The following NBPF9 variants were observed in gnomAD, a reference collection of about 807,000 sequenced individuals.
The protein encoded by NBPF9 is NBPF member 9.
Under a neutral mutation model 97.8 loss-of-function variants are expected in NBPF9, and 91 were observed. The ratio of observed to expected loss-of-function variants is 0.93; its 90% CI spans 0.79 to 1.11. The LOEUF (loss-of-function observed/expected upper bound fraction) is 1.11. Ranked by LOEUF, NBPF9 falls within the 50% of genes least tolerant of loss-of-function variation. The pLI, the probability that NBPF9 is intolerant of heterozygous loss-of-function variation, is 0.00. For missense variants in NBPF9, 992 were observed against 939.5 expected (o/e 1.06, Z -0.73); for synonymous variants, 334 against 359.5 (o/e 0.93, Z 0.80).
rs781815719 is a variant in NBPF9 at position 149,072,975 on chromosome 1, G to A, written c.1092-43C>T. On this transcript the variant is annotated intron_variant, in intron 13 of 29. Coordinates refer to ENST00000584027, the Ensembl canonical transcript of NBPF9. ...AGAAAAATTAAGAGTGGAAAGGGTT[G>A]AGTGATCCGCTCAAATATTGCAACA... 260 of 1,588,594 alleles carry A rather than the reference G, an allele frequency of 1.6e-4. 14 individuals carry two copies. The highest frequency in any genetic ancestry group is 4.2e-4 in the South Asian group (38 of 90,614).
chr1:149,059,291 GAGAGAC>G lies in NBPF9; in HGVS notation c.2586-200_2586-195del, dbSNP rs1294672394. On this transcript the variant is annotated intron_variant, in intron 25 of 29. Coordinates refer to ENST00000584027, the Ensembl canonical transcript of NBPF9. ...GAAAAGAATGAAAGAGAAAGACAGG[GAGAGAC>G]AGAGACAGAGACAGAGAGAAAGTGA... 50 of 485,082 alleles carry G rather than the reference GAGAGAC, an allele frequency of 1.0e-4. 12 individuals are homozygous for G. The highest frequency in any genetic ancestry group is 3.8e-4 in the South Asian group (17 of 44,158). 30.0% of individuals were successfully genotyped at this position (485,082 alleles called of 1,614,324 possible).
At chr1:149,062,787 C>T (rs1156988227) in intron 21 of NBPF9, 75 bp downstream of exon 21, 4 of 769,406 alleles carry the variant, frequency 5.2e-6, no homozygotes, top group Non-Finnish European at 9.5e-6. Context: ...AAATTGAACA[C>T]ACTCTTGTTT....
intron 14 of NBPF9, among the ~76,000 whole-genome samples, chr1:149,072,483 T>C (rs1472811336): frequency 6.6e-6 from 1 of 152,130 alleles, no homozygotes; most frequent in African/African-American, 2.4e-5. Flanking sequence ...AGATGCTGCC[T>C]CTTGCTCCAA....
chr1:149,067,322 T>A lies in NBPF9; in HGVS notation c.1638-1633A>T, dbSNP rs1456963548. ...TGTATGTGTATATATATATATATAT[T>A]TTTAATACTTTAAGTCTTAGGGTAC... is the stretch of plus-strand genomic sequence containing the variant. On this transcript the variant is annotated intron_variant, in intron 17 of 29. Transcript: ENST00000584027. 6.5e-4 allele frequency among the ~76,000 whole-genome samples: 79 copies of A among 121,844 alleles called. 5 individuals carry two copies. In the Middle Eastern group the frequency reaches 0.02, roughly 30 times the overall value. 79.9% of individuals were successfully genotyped at this position (121,844 alleles called of 152,430 possible). A position where few individuals can be genotyped will look rare whatever the true frequency, so the allele number is the denominator to read the frequency against.
chr1:149,072,984 G>A lies in NBPF9; in HGVS notation c.1092-52C>T, dbSNP rs587643602. 7.8e-5 allele frequency: 122 copies of A among 1,570,084 alleles called. 3 individuals are homozygous for A. Among genetic ancestry groups the A allele is most frequent in the South Asian group, 2.4e-4 (22 of 90,308 alleles). On this transcript the variant is annotated intron_variant, in intron 13 of 29. Transcript: ENST00000584027. ...AAGAGTGGAAAGGGTTGAGTGATCC[G>A]CTCAAATATTGCAACAGAGATTTCT...
intron 5 of NBPF9, among the ~76,000 whole-genome samples, chr1:149,085,630 T>C (rs1160116284): frequency 1.3e-5 from 2 of 152,102 alleles, no homozygotes; most frequent in Non-Finnish European, 2.9e-5. Flanking sequence ...TTAGGGGCCT[T>C]GTACCTGCTT....
chr1:149,052,657 CACAT>C (rs1575815600), downstream of NBPF9, among the ~76,000 whole-genome samples: 1 of 149,612 alleles, frequency 6.7e-6, no homozygotes, highest in Non-Finnish European at 1.5e-5. Flanking sequence ...TATATACACA[CACAT>C]ATACATTTCA....
At chr1:149,052,257 A>C (rs1258898993), downstream of NBPF9, among the ~76,000 whole-genome samples, 4 of 152,134 alleles carry the variant, frequency 2.6e-5, no homozygotes, top group Non-Finnish European at 5.9e-5. Flanking sequence ...CGACTTTATG[A>C]AAATTAAAAG....
intron 5 of NBPF9, 183 bp downstream of exon 5, chr1:149,090,570 A>G: frequency 1.8e-6 from 1 of 546,420 alleles, no homozygotes; most frequent in East Asian, 3.1e-5. Context: ...AATGCCCATA[A>G]AATTATTATC....
At chr1:149,070,974 G>C in exon 16 of NBPF9, 2 of 1,612,592 alleles carry the variant, frequency 1.2e-6, no homozygotes, top group Non-Finnish European at 1.7e-6. Context: ...CAACATGAGA[G>C]GATGAGCCAA....
exon 20 of NBPF9, chr1:149,063,776 C>T (rs4125365): frequency 3.1e-4 from 187 of 608,392 alleles, no homozygotes; most frequent in Middle Eastern, 1.7e-3. Flanking sequence ...GACTTCAGGC[C>T]CTTTCTCATC....
intron 4 of NBPF9, among the ~76,000 whole-genome samples, chr1:149,094,093 C>T (rs1196713191): frequency 6.6e-6 from 1 of 151,996 alleles, no homozygotes; most frequent in African/African-American, 2.4e-5. Context: ...TGAGATGGCG[C>T]CGTTGCATTC....
intron 4 of NBPF9, among the ~76,000 whole-genome samples, chr1:149,095,217 G>T (rs2081660905): frequency 6.6e-6 from 1 of 150,856 alleles, no homozygotes; most frequent in Non-Finnish European, 1.5e-5. Flanking sequence ...ATTTAAAACA[G>T]CAAAGATAGC....
chr1:149,079,370 G>C (rs879250612), intron 8 of NBPF9, 149 bp from the exon 9 acceptor site: 112,838 of 792,804 alleles, frequency 0.14, 7,642 homozygotes, highest in Admixed American at 0.21. Flanking sequence ...GTGGCCAAGA[G>C]AAAGAATAGA....
chr1:149,087,130 G>A (rs1212811000), intron 5 of NBPF9, among the ~76,000 whole-genome samples: 2 of 151,838 alleles, frequency 1.3e-5, no homozygotes, highest in African/African-American at 4.8e-5. Flanking sequence ...CTAAACAGTG[G>A]AGCATCTTTT....
At chr1:149,072,370 G>A (rs1433497851) in intron 14 of NBPF9, among the ~76,000 whole-genome samples, 2 of 152,110 alleles carry the variant, frequency 1.3e-5, no homozygotes, top group East Asian at 3.9e-4. Flanking sequence ...TAAGAACATT[G>A]CCGAAAAGAC....
downstream of NBPF9, among the ~76,000 whole-genome samples, chr1:149,052,251 T>C (rs587637253): frequency 1.3e-5 from 2 of 152,140 alleles, no homozygotes; most frequent in Admixed American, 1.3e-4. Context: ...TAAATTCGAC[T>C]TTATGAAAAT....
intron 4 of NBPF9, among the ~76,000 whole-genome samples, chr1:149,094,747 C>A (rs1157437518): frequency 6.9e-6 from 1 of 145,268 alleles, no homozygotes; most frequent in Non-Finnish European, 1.5e-5. Flanking sequence ...GAAAGTCAAC[C>A]CTTCTAGGGT....
At chr1:149,056,211 C>G (rs1443200834) in intron 29 of NBPF9, among the ~76,000 whole-genome samples, 1 of 149,086 alleles carries the variant, frequency 6.7e-6, no homozygotes, top group Non-Finnish European at 1.5e-5. Context: ...TGACACACAG[C>G]AAACTGTGAT....
Sources: allele counts gnomAD v4.1 joint callset (sites outside exome capture counted in the v4.1 genomes callset), GRCh38; gene constraint gnomAD v4.1.1; transcripts MANE v1.5; gene names NCBI Gene and HGNC (gene_info 2026-07-23, HGNC 2026-07-21).